The following MITF variants were observed in gnomAD, a reference collection of about 807,000 sequenced individuals.
The protein encoded by MITF is microphthalmia-associated transcription factor.
In MITF, 17 loss-of-function variants were observed where a neutral mutation model predicts 60.5. That is an observed-to-expected ratio of 0.28 (90% CI 0.19 to 0.42). The LOEUF (loss-of-function observed/expected upper bound fraction) is 0.42. MITF is among the 10% of genes least tolerant of loss of function. MITF has a pLI of 1.00. For missense variants in MITF, 622 were observed against 683.5 expected (o/e 0.91, Z 1.00); for synonymous variants, 260 against 248.5 (o/e 1.05, Z -0.43).
At chr3:69,953,647 G>GTA (rs773463461) in intron 7 of MITF, among the ~76,000 whole-genome samples, 5,206 of 140,318 alleles carry the variant, frequency 0.037, 106 homozygotes, top group East Asian at 0.065. Context: ...ATATATGTAT[G>GTA]TATATATATA....
intron 1 of MITF, among the ~76,000 whole-genome samples, chr3:69,784,879 A>G (rs2062622729): frequency 6.6e-6 from 1 of 152,186 alleles, no homozygotes; most frequent in Admixed American, 6.5e-5. Context: ...TCTGAAGGTC[A>G]GATCCAAGGT....
chr3:69,859,322 GTT>G (rs1035003927), intron 1 of MITF, among the ~76,000 whole-genome samples: 162 of 152,294 alleles, frequency 1.1e-3, no homozygotes, highest in African/African-American at 3.7e-3. Flanking sequence ...CAATGGCATC[GTT>G]GTCTGCAAGA....
intron 4 of MITF, among the ~76,000 whole-genome samples, chr3:69,940,283 A>G (rs1053087755): frequency 6.6e-6 from 1 of 152,202 alleles, no homozygotes; most frequent in Non-Finnish European, 1.5e-5. Flanking sequence ...GGAAGTGGCA[A>G]GAGACAGAAG....
intron 1 of MITF, among the ~76,000 whole-genome samples, chr3:69,841,725 T>G (rs1016560431): frequency 2.0e-5 from 3 of 152,190 alleles, no homozygotes; most frequent in Non-Finnish European, 4.4e-5. Context: ...GCAGTACTTC[T>G]TTTCGTCTCT....
At chr3:69,964,509 T>G (rs1353397363) in intron 9 of MITF, among the ~76,000 whole-genome samples, 1 of 134,498 alleles carries the variant, frequency 7.4e-6, no homozygotes, top group Non-Finnish European at 1.6e-5. Flanking sequence ...AAAAATAGAC[T>G]TTATTTTTCA....
chr3:69,815,932 T>A (rs62251031), intron 1 of MITF, among the ~76,000 whole-genome samples: 3 of 152,066 alleles, frequency 2.0e-5, no homozygotes, highest in Non-Finnish European at 4.4e-5. Flanking sequence ...AGTCGTCTTA[T>A]TGTAGGCTTA....
intron 1 of MITF, among the ~76,000 whole-genome samples, chr3:69,827,289 C>T (rs372420328): frequency 6.6e-6 from 1 of 152,176 alleles, no homozygotes; most frequent in African/African-American, 2.4e-5. Context: ...TGCAGTGAGA[C>T]AAAGCCACTG....
chr3:69,895,647 T>A (rs776710138), intron 2 of MITF, among the ~76,000 whole-genome samples: 1 of 151,926 alleles, frequency 6.6e-6, no homozygotes, highest in Non-Finnish European at 1.5e-5. Flanking sequence ...AGAAAACAAA[T>A]AAAGGCTATG....
intron 2 of MITF, among the ~76,000 whole-genome samples, chr3:69,909,047 T>G (rs2065163985): frequency 6.6e-6 from 1 of 152,248 alleles, no homozygotes; most frequent in Admixed American, 6.5e-5. Context: ...GTGATACGGC[T>G]TGGCTGTGTC....
chr3:69,831,385 G>A (rs1002155465), intron 1 of MITF, among the ~76,000 whole-genome samples: 5 of 152,126 alleles, frequency 3.3e-5, no homozygotes, highest in African/African-American at 1.2e-4. Context: ...CCATGGTGGG[G>A]ATAAACTTTT....
intron 2 of MITF, among the ~76,000 whole-genome samples, chr3:69,913,885 G>GA (rs2065276494): frequency 6.6e-6 from 1 of 152,152 alleles, no homozygotes; most frequent in Non-Finnish European, 1.5e-5. Context: ...TTGATATAGT[G>GA]CTTTTTATTA....
At chr3:69,896,701 A>G (rs2064883665) in intron 2 of MITF, among the ~76,000 whole-genome samples, 1 of 152,218 alleles carries the variant, frequency 6.6e-6, no homozygotes, top group African/African-American at 2.4e-5. Flanking sequence ...GACTGTAGAA[A>G]TGGAGTTAGA....
chr3:69,783,736 G>A (rs1028094568), intron 1 of MITF, among the ~76,000 whole-genome samples: 9 of 152,100 alleles, frequency 5.9e-5, no homozygotes, highest in African/African-American at 9.7e-5. Flanking sequence ...TCTAAAAGTG[G>A]TGTTTCACAA....
At chr3:69,870,672 A>T (rs2064218349) in intron 1 of MITF, among the ~76,000 whole-genome samples, 1 of 151,892 alleles carries the variant, frequency 6.6e-6, no homozygotes, top group African/African-American at 2.4e-5. Flanking sequence ...TGATCTCGTG[A>T]TCCACCCACC....
intron 1 of MITF, among the ~76,000 whole-genome samples, chr3:69,816,524 C>G (rs1032882287): frequency 6.6e-6 from 1 of 152,142 alleles, no homozygotes; most frequent in Non-Finnish European, 1.5e-5. Context: ...TAATCTGGTA[C>G]CAGCTGCTTT....
intron 1 of MITF, among the ~76,000 whole-genome samples, chr3:69,801,735 A>G (rs2062922735): frequency 6.6e-6 from 1 of 152,224 alleles, no homozygotes; most frequent in South Asian, 2.1e-4. Context: ...GGAGACAAGT[A>G]TTTGTTGAGG....
rs538513108 is a variant in MITF at position 69,947,296 on chromosome 3, G to T, written c.763-1755G>T. 1.2e-4 allele frequency among the ~76,000 whole-genome samples: 19 copies of T among 152,280 alleles called. No homozygotes were observed. In the South Asian group the frequency reaches 3.9e-3, roughly 32 times the overall value. Reference sequence around the variant, plus strand: ...AATCCAAAATTCTCAAAAGATAGGGGAATAAAGCTTTGGAATCCAAGGAGT... The same window carrying T: ...AATCCAAAATTCTCAAAAGATAGGGTAATAAAGCTTTGGAATCCAAGGAGT... On this transcript the variant is annotated intron_variant, in intron 5 of 9. Coordinates refer to ENST00000352241, the MANE Select transcript of MITF (RefSeq NM_001354604.2).
At chr3:69,863,611 A>G (rs1238766692) in intron 1 of MITF, among the ~76,000 whole-genome samples, 2 of 152,244 alleles carry the variant, frequency 1.3e-5, no homozygotes, top group Non-Finnish European at 2.9e-5. Context: ...GTGTGTGAGC[A>G]TGTAATAAAT....
In MITF at chr3:69,939,171, CCTGTATGCAGGTA is replaced by C; in HGVS notation, c.660_666+6del. The C allele has an allele frequency of 6.2e-7, 1 of 1,613,966 alleles. No individual in the cohort carries two copies. The highest frequency in any genetic ancestry group is 8.5e-7 in the Non-Finnish European group (1 of 1,179,936). On this transcript the variant is annotated splice_donor_variant and splice_donor_region_variant and coding_sequence_variant and intron_variant, in exon 4 of 10. Coordinates refer to ENST00000352241, the MANE Select transcript of MITF (RefSeq NM_001354604.2). LOFTEE classifies it high-confidence loss of function. ...GGCATGAACACACATTCACGAGCGTCCTGTATGCAGGTACTGAATGACTTGGCAGCCTGAGGAT... is the reference window on the plus strand; with the variant it reads ...GGCATGAACACACATTCACGAGCGTCCTGAATGACTTGGCAGCCTGAGGAT...
Sources: allele counts gnomAD v4.1 joint callset (sites outside exome capture counted in the v4.1 genomes callset), GRCh38; gene constraint gnomAD v4.1.1; transcripts MANE v1.5; gene names NCBI Gene and HGNC (gene_info 2026-07-23, HGNC 2026-07-21).